LRRC72: variants seen among roughly 807,000 people sequenced by gnomAD.
The protein encoded by LRRC72 is leucine-rich repeat-containing protein 72.
Under a neutral mutation model 35.8 loss-of-function variants are expected in LRRC72, and 41 were observed. The observed-to-expected ratio is 1.15, with a 90% CI of 0.89 to 1.49. The LOEUF is 1.49. Ranked by LOEUF, LRRC72 falls within the 40% of genes most tolerant of loss-of-function variation. LRRC72 has a pLI of 0.00. For synonymous variants in LRRC72, 118 were observed against 119.2 expected (o/e 0.99, Z 0.07); for missense variants, 389 against 330.7 (o/e 1.18, Z -1.37).
chr7:16,538,392 C>T (rs1260313724), intron 3 of LRRC72, among the ~76,000 whole-genome samples: 1 of 152,170 alleles, frequency 6.6e-6, no homozygotes, highest in Admixed American at 6.5e-5. Flanking sequence ...TCAGAAGTTC[C>T]TCTGCTAGGC....
chr7:16,557,574 TA>T (rs1782672923), intron 4 of LRRC72, 133 bp downstream of exon 4: 1 of 339,654 alleles, frequency 2.9e-6, no homozygotes, highest in Non-Finnish European at 5.4e-6. Flanking sequence ...ATGTATTTTT[TA>T]AATGTTTTAA....
At chr7:16,553,911 T>C (rs1475621685) in intron 3 of LRRC72, among the ~76,000 whole-genome samples, 1 of 152,246 alleles carries the variant, frequency 6.6e-6, no homozygotes, top group Non-Finnish European at 1.5e-5. Flanking sequence ...TAGTCATCTA[T>C]TGAGCACTTG....
chr7:16,561,740 A>T (rs941846280), intron 5 of LRRC72, among the ~76,000 whole-genome samples: 2 of 152,224 alleles, frequency 1.3e-5, no homozygotes, highest in South Asian at 4.1e-4. Flanking sequence ...TTTTGAACTC[A>T]TGTTCCATTT....
intron 3 of LRRC72, among the ~76,000 whole-genome samples, chr7:16,539,353 G>A (rs908306417): frequency 1.3e-5 from 2 of 152,244 alleles, no homozygotes; most frequent in Non-Finnish European, 2.9e-5. Flanking sequence ...TCTGGTGGAA[G>A]ACATTTCTAA....
chr7:16,567,261 A>G, intron 6 of LRRC72, 130 bp from the exon 7 acceptor site: 1 of 665,094 alleles, frequency 1.5e-6, no homozygotes, highest in East Asian at 3.0e-5. Context: ...CCTTTACAAA[A>G]CAGTTTTGAC....
chr7:16,546,841 G>C (rs745932011), intron 3 of LRRC72, among the ~76,000 whole-genome samples: 2 of 152,116 alleles, frequency 1.3e-5, no homozygotes, highest in Non-Finnish European at 2.9e-5. Flanking sequence ...TCCTCCACAA[G>C]GCCTACTCTG....
intron 3 of LRRC72, among the ~76,000 whole-genome samples, chr7:16,542,564 A>C (rs1002443816): frequency 6.6e-6 from 1 of 152,168 alleles, no homozygotes; most frequent in Non-Finnish European, 1.5e-5. Flanking sequence ...TCCACCTGTG[A>C]CCTGAAGGAG....
At chr7:16,557,799 C>T (rs1300692032) in intron 4 of LRRC72, among the ~76,000 whole-genome samples, 3 of 152,078 alleles carry the variant, frequency 2.0e-5, no homozygotes, top group Non-Finnish European at 4.4e-5. Flanking sequence ...TTCTACCAGC[C>T]AAATTCCTGC....
At chr7:16,549,226 A>T (rs1219484907) in intron 3 of LRRC72, among the ~76,000 whole-genome samples, 4 of 152,212 alleles carry the variant, frequency 2.6e-5, no homozygotes, top group Admixed American at 1.3e-4. Context: ...GTTTCTGTTT[A>T]TTGGACATCA....
At position 16,576,209 on chromosome 7, in the gene LRRC72, T is replaced by A. The variant is rs527343961; in HGVS notation, c.671-3865T>A. On this transcript the variant is annotated intron_variant, in intron 7 of 8. Coordinates refer to ENST00000401542, the MANE Select transcript of LRRC72 (RefSeq NM_001195280.2). ...ATGGCTTATTTTAGCATATCTTAAT[T>A]AAGCAAACATTTGTAATAAAACTAA... Among the ~76,000 whole-genome samples the A allele has an allele frequency of 6.0e-4, 92 of 152,344 alleles. 1 individual carries two copies. Among genetic ancestry groups the A allele is most frequent in the African/African-American group, 1.9e-3 (81 of 41,584 alleles).
chr7:16,563,724 T>C (rs1782781123), intron 5 of LRRC72, among the ~76,000 whole-genome samples: 1 of 152,224 alleles, frequency 6.6e-6, no homozygotes, highest in South Asian at 2.1e-4. Context: ...ATATGATTGC[T>C]TCTTCTAAAA....
At chr7:16,570,173 T>G (rs1235474028) in intron 7 of LRRC72, among the ~76,000 whole-genome samples, 1 of 152,220 alleles carries the variant, frequency 6.6e-6, no homozygotes, top group Non-Finnish European at 1.5e-5. Context: ...TTATCTGAAT[T>G]GTTGAGTCCT....
chr7:16,568,223 T>C (rs1782883890), intron 7 of LRRC72, among the ~76,000 whole-genome samples: 1 of 152,210 alleles, frequency 6.6e-6, no homozygotes, highest in Non-Finnish European at 1.5e-5. Context: ...CTTAGTGTGC[T>C]TTATGATTAC....
intron 3 of LRRC72, among the ~76,000 whole-genome samples, chr7:16,554,413 C>A (rs2128336863): frequency 6.6e-6 from 1 of 152,220 alleles, no homozygotes; most frequent in South Asian, 2.1e-4. Context: ...TGTTCCTGAC[C>A]TTAACAACTT....
intron 3 of LRRC72, among the ~76,000 whole-genome samples, chr7:16,552,846 A>G (rs893205925): frequency 1.3e-5 from 2 of 152,136 alleles, no homozygotes; most frequent in African/African-American, 2.4e-5. Flanking sequence ...AACGTTAGTA[A>G]AGTGCAGTGG....
rs1010200351 is a variant in LRRC72, at chr7:16,579,133, T to C, written c.671-941T>C. On this transcript the variant is annotated intron_variant, in intron 7 of 8. Coordinates refer to ENST00000401542, the MANE Select transcript of LRRC72 (RefSeq NM_001195280.2). ...GTTCTCACCACGTATACACAAAAAA[T>C]GGCAACTGTCTGGCTGATGAATATG... 2.6e-5 allele frequency among the ~76,000 whole-genome samples: 4 copies of C among 152,342 alleles called. No homozygotes were observed. In the South Asian group the frequency reaches 6.2e-4, roughly 24 times the overall value.
Position 16,559,024 on chromosome 7 carries a change from C to A in LRRC72, c.427+25C>A, listed in dbSNP as rs554912262. The A allele has an allele frequency of 4.4e-5, 59 of 1,344,918 alleles. No homozygotes were observed. In the East Asian group the frequency reaches 1.5e-3, roughly 34 times the overall value. 83.3% of individuals were successfully genotyped at this position (1,344,918 alleles called of 1,614,324 possible). A position where few individuals can be genotyped will look rare whatever the true frequency, so the allele number is the denominator to read the frequency against. ...AGTAACAATTTGCAATTTTATATGG[C>A]CATAAGTTAAAATAGTATTAACATA... On this transcript the variant is annotated intron_variant, in intron 5 of 8. Coordinates refer to ENST00000401542, the MANE Select transcript of LRRC72 (RefSeq NM_001195280.2).
chr7:16,556,142 C>A (rs907737385), intron 3 of LRRC72, among the ~76,000 whole-genome samples: 1 of 151,906 alleles, frequency 6.6e-6, no homozygotes, highest in Non-Finnish European at 1.5e-5. Context: ...GCATTGAATA[C>A]CCCATATTAT....
At chr7:16,556,535 C>T (rs1258095241) in intron 3 of LRRC72, among the ~76,000 whole-genome samples, 4 of 152,174 alleles carry the variant, frequency 2.6e-5, no homozygotes, top group Non-Finnish European at 4.4e-5. Context: ...GTTAGCACTG[C>T]GCCTGATCTG....
Sources: allele counts gnomAD v4.1 joint callset (sites outside exome capture counted in the v4.1 genomes callset), GRCh38; gene constraint gnomAD v4.1.1; transcripts MANE v1.5; gene names NCBI Gene and HGNC (gene_info 2026-07-23, HGNC 2026-07-21).